The following LARGE1 variants were observed in gnomAD, a reference collection of about 807,000 sequenced individuals.
LARGE1 encodes LARGE xylosyl- and glucuronyltransferase 1.
Under a neutral mutation model 87.6 loss-of-function variants are expected in LARGE1, and 43 were observed. That is an observed-to-expected ratio of 0.49 (90% confidence interval 0.38 to 0.63). The LOEUF (loss-of-function observed/expected upper bound fraction) is 0.63. LARGE1 is among the 30% of genes least tolerant of loss of function. The pLI is 0.00. For synonymous variants in LARGE1, 434 were observed against 394.6 expected, an observed-to-expected ratio of 1.10 and a Z score of -1.18; for missense variants, 802 against 1,000.2, an observed-to-expected ratio of 0.80 and a Z score of 2.67.
intron 5 of LARGE1, among the ~76,000 whole-genome samples, chr22:33,584,591 C>T (rs866266914): frequency 4.9e-4 from 74 of 152,226 alleles, no homozygotes; most frequent in African/African-American, 1.5e-3. Context: ...TGAGTTGTTT[C>T]CTCCTAATCA....
intron 10 of LARGE1, among the ~76,000 whole-genome samples, chr22:33,331,697 C>T (rs747435931): frequency 9.2e-5 from 14 of 152,168 alleles, no homozygotes; most frequent in African/African-American, 1.4e-4. Flanking sequence ...CGTGAGCCAC[C>T]GCACCTGGCC....
intron 2 of LARGE1, among the ~76,000 whole-genome samples, chr22:33,749,271 C>A (rs760770494): frequency 2.6e-5 from 4 of 152,168 alleles, no homozygotes; most frequent in Non-Finnish European, 5.9e-5. Flanking sequence ...TGTGCCACCA[C>A]GCCTGGATAA....
the LARGE1 span, chr22:33,106,034 G>A: frequency 6.6e-6 from 1 of 152,280 alleles, no homozygotes; most frequent in African/African-American, 2.4e-5. Context: ...TGATGTCTGA[G>A]TTTCTTTCTG....
At chr22:33,239,246 G>T (rs149026703) in intron 11 of LARGE1, among the ~76,000 whole-genome samples, 7 of 151,986 alleles carry the variant, frequency 4.6e-5, no homozygotes, top group African/African-American at 1.7e-4. Context: ...GCATCAAAGG[G>T]TATATACACA....
At chr22:33,519,235 C>CGCGCGT (rs112192440) in intron 6 of LARGE1, among the ~76,000 whole-genome samples, 57 of 149,646 alleles carry the variant, frequency 3.8e-4, no homozygotes, top group African/African-American at 1.4e-3. Context: ...CGTGCGCGCG[C>CGCGCGT]GTGTGTGTGT....
chr22:33,874,104 A>T (rs1886793286), intron 1 of LARGE1, among the ~76,000 whole-genome samples: 1 of 151,950 alleles, frequency 6.6e-6, no homozygotes, highest in African/African-American at 2.4e-5. Flanking sequence ...TTATTTCCAC[A>T]GGCCGCTTTT....
chr22:33,641,159 G>T (rs112216645), intron 3 of LARGE1, among the ~76,000 whole-genome samples: 3 of 152,284 alleles, frequency 2.0e-5, no homozygotes, highest in East Asian at 1.9e-4. Context: ...GGCTGGCAAC[G>T]GGCGGGTGCC....
At chr22:33,922,429 C>G (rs2065974774), upstream of LARGE1, 1 of 152,496 alleles carries the variant, frequency 6.6e-6, no homozygotes, top group Admixed American at 6.5e-5. Context: ...ACGACCCCCA[C>G]CAGCAGCAGC....
chr22:33,553,832 A>G (rs2077598674), intron 6 of LARGE1, among the ~76,000 whole-genome samples: 1 of 152,098 alleles, frequency 6.6e-6, no homozygotes, highest in African/African-American at 2.4e-5. Flanking sequence ...ATCTACCTCC[A>G]GAGATGTCTT....
At chr22:33,529,222 G>T (rs2072072979) in intron 6 of LARGE1, among the ~76,000 whole-genome samples, 1 of 152,014 alleles carries the variant, frequency 6.6e-6, no homozygotes, top group African/African-American at 2.4e-5. Flanking sequence ...CTAATCCCTG[G>T]CTCATCGCCT....
At chr22:33,671,227 C>A (rs2081401293) in intron 2 of LARGE1, among the ~76,000 whole-genome samples, 1 of 152,142 alleles carries the variant, frequency 6.6e-6, no homozygotes, top group South Asian at 2.1e-4. Context: ...AGTACACCAC[C>A]ACCTGAGTTT....
chr22:33,649,241 A>C (rs150815675), intron 3 of LARGE1, among the ~76,000 whole-genome samples: 3 of 152,198 alleles, frequency 2.0e-5, no homozygotes, highest in Admixed American at 6.5e-5. Flanking sequence ...AACTTAGTCT[A>C]CATCACTGAG....
intron 1 of LARGE1, among the ~76,000 whole-genome samples, chr22:33,812,914 CAAAT>C (rs1245860955): frequency 6.6e-6 from 1 of 152,180 alleles, no homozygotes; most frequent in African/African-American, 2.4e-5. Context: ...TATTAAAAGA[CAAAT>C]AAAACAGAGA....
At chr22:33,181,602 C>T (rs58013179) in intron 11 of LARGE1, among the ~76,000 whole-genome samples, 3,858 of 151,108 alleles carry the variant, frequency 0.026, 174 homozygotes, top group African/African-American at 0.09. Context: ...TATTTTGGCT[C>T]ACTGCAACCT....
chr22:33,340,623 C>T (rs1015379662), intron 9 of LARGE1, among the ~76,000 whole-genome samples: 9 of 151,938 alleles, frequency 5.9e-5, no homozygotes, highest in Middle Eastern at 3.4e-3. Context: ...ACACCTGTGA[C>T]GGGAAAGGGA....
At chr22:33,400,847 C>T (rs2065905513) in intron 7 of LARGE1, among the ~76,000 whole-genome samples, 1 of 152,218 alleles carries the variant, frequency 6.6e-6, no homozygotes, top group African/African-American at 2.4e-5. Context: ...TCACAGGTGT[C>T]TTCTCTACTT....
At chr22:33,445,210 T>C (rs1394834996) in intron 6 of LARGE1, among the ~76,000 whole-genome samples, 2 of 152,118 alleles carry the variant, frequency 1.3e-5, no homozygotes, top group African/African-American at 2.4e-5. Flanking sequence ...ATCACCTCCT[T>C]CAAGGTCCCA....
At chr22:33,332,567 GT>G (rs1937867913) in intron 10 of LARGE1, among the ~76,000 whole-genome samples, 1 of 152,136 alleles carries the variant, frequency 6.6e-6, no homozygotes, top group African/African-American at 2.4e-5. Context: ...CAAAGAAGAG[GT>G]TCCTGACTTG....
intron 1 of LARGE1, among the ~76,000 whole-genome samples, chr22:33,778,201 T>C (rs553113334): frequency 6.6e-6 from 1 of 152,208 alleles, no homozygotes; most frequent in Non-Finnish European, 1.5e-5. Flanking sequence ...GGACTCTTGA[T>C]TCCAAGAACC....
Sources: gnomAD v4.1 joint callset for allele counts (sites outside exome capture counted in the v4.1 genomes callset) on GRCh38, gnomAD v4.1.1 for gene constraint, MANE v1.5 for transcripts, NCBI Gene and HGNC (gene_info 2026-07-23, HGNC 2026-07-21) for gene names.